TMEM135: variants seen among roughly 807,000 people sequenced by gnomAD.
TMEM135 encodes transmembrane protein 135, also known as peroxisomal membrane protein 52.
A neutral mutation model predicts 60.3 loss-of-function variants in TMEM135; 30 were observed. The ratio of observed to expected loss-of-function variants is 0.50; its 90% confidence interval spans 0.37 to 0.68. The LOEUF (loss-of-function observed/expected upper bound fraction) is 0.68, where lower values mean the gene tolerates loss of function less well. Ranked by LOEUF, TMEM135 falls within the 30% of genes least tolerant of loss-of-function variation. The pLI is 0.00. For synonymous variants in TMEM135, 190 were observed against 186.7 expected, an observed-to-expected ratio of 1.02 and a Z score of -0.14; for missense variants, 468 against 548.8, an observed-to-expected ratio of 0.85 and a Z score of 1.47.
Position 87,274,850 on chromosome 11 carries a change from G to GTA in TMEM135, c.510-20924_510-20923dup, listed in dbSNP as rs530069414. Among the ~76,000 whole-genome samples, 35 of 147,804 alleles carry GTA rather than the reference G, an allele frequency of 2.4e-4. No individual in the cohort carries two copies. The South Asian group carries it at 7.0e-3, about 30-fold the overall frequency. On this transcript the variant is annotated intron_variant, in intron 6 of 14. Transcript: ENST00000305494. ...TGTGTTTATATATTTATATATGTGT[G>GTA]TATATATATGCATATATATTTATAT...
At chr11:87,196,193 G>A (rs1012154067) in intron 5 of TMEM135, among the ~76,000 whole-genome samples, 2 of 152,080 alleles carry the variant, frequency 1.3e-5, no homozygotes, top group African/African-American at 4.8e-5. Context: ...GATTTTGGGG[G>A]AAATATTTTA....
intron 10 of TMEM135, among the ~76,000 whole-genome samples, chr11:87,312,455 C>T (rs761391118): frequency 9.9e-5 from 15 of 151,730 alleles, no homozygotes; most frequent in African/African-American, 3.4e-4. Context: ...ATATACTCCA[C>T]GATATGTTGT....
intron 4 of TMEM135, among the ~76,000 whole-genome samples, chr11:87,102,696 A>ATATTTATG (rs1555103998): frequency 2.5e-5 from 2 of 80,214 alleles, no homozygotes; most frequent in African/African-American, 1.4e-4. Flanking sequence ...GTGTGTGTAT[A>ATATTTATG]TATATATGTA....
At chr11:87,081,130 AT>A (rs1856984228) in intron 3 of TMEM135, among the ~76,000 whole-genome samples, 1 of 149,574 alleles carries the variant, frequency 6.7e-6, no homozygotes, top group Non-Finnish European at 1.5e-5. Flanking sequence ...GTGGGGTCTT[AT>A]TTTTTTATAT....
rs545274190 is a variant in TMEM135 at position 87,185,875 on chromosome 11, A to T, written c.462+28469A>T. On this transcript the variant is annotated intron_variant, in intron 5 of 14. Coordinates refer to ENST00000305494, the MANE Select transcript of TMEM135 (RefSeq NM_022918.4). ...CATTATTAGGAAATCATAGATTTAA[A>T]CATATTTTGTGTGTTTCAATCTGTT... Among the ~76,000 whole-genome samples, 7 of 150,216 alleles carry T rather than the reference A, an allele frequency of 4.7e-5. No homozygotes were observed. The East Asian group carries it at 1.2e-3, about 25-fold the overall frequency.
In TMEM135 at chr11:87,325,664, C is replaced by T. The variant is rs567613345; in HGVS notation, c.*4331C>T. The T allele has an allele frequency of 5.7e-5, 26 of 453,626 alleles. No individual in the cohort carries two copies. The highest frequency in any genetic ancestry group is 2.4e-4 in the Admixed American group (10 of 42,534). The allele number at this position is 453,626 out of a possible 1,614,324, so 28.1% of individuals were successfully genotyped here. A position where few individuals can be genotyped will look rare whatever the true frequency, so the allele number is the denominator to read the frequency against. On this transcript the variant is annotated 3_prime_UTR_variant, in exon 15 of 15. Transcript: ENST00000305494. ...GTGAGAGGCTCTGGAGTGATCATAA[C>T]GGTGATAACAATGGAGTAAACATTT...
At chr11:87,047,966 C>G (rs1369476518) in intron 1 of TMEM135, among the ~76,000 whole-genome samples, 5 of 93,548 alleles carry the variant, frequency 5.3e-5, no homozygotes, top group South Asian at 6.9e-4. Context: ...AGCTGGAGAT[C>G]TGAGAATGGG....
intron 4 of TMEM135, among the ~76,000 whole-genome samples, chr11:87,150,234 AAG>A (rs1491140230): frequency 2.7e-5 from 4 of 150,240 alleles, no homozygotes; most frequent in African/African-American, 9.8e-5. Flanking sequence ...AAAAAAAAAA[AAG>A]AAAAAAAGTG....
At chr11:87,307,459 T>A (rs1942570806) in intron 9 of TMEM135, among the ~76,000 whole-genome samples, 1 of 151,440 alleles carries the variant, frequency 6.6e-6, no homozygotes, top group African/African-American at 2.4e-5. Context: ...CAACTGAACA[T>A]GATTGTAGTT....
At chr11:87,292,709 C>T (rs1191325219) in intron 6 of TMEM135, among the ~76,000 whole-genome samples, 6 of 152,166 alleles carry the variant, frequency 3.9e-5, no homozygotes, top group Non-Finnish European at 8.8e-5. Flanking sequence ...ATCTGACCCT[C>T]AATTACATTA....
At chr11:87,258,978 G>T in intron 6 of TMEM135, 1 of 1,528,280 alleles carries the variant, frequency 6.5e-7, no homozygotes, top group Non-Finnish European at 9.1e-7. Context: ...CAGTCTCAAA[G>T]ACAACGGGAA....
rs575597386 is a variant in TMEM135 at position 87,278,469 on chromosome 11, G to A, written c.510-17313G>A. On this transcript the variant is annotated intron_variant, in intron 6 of 14. Transcript: ENST00000305494. ...CAACCTCCATCTCCCGGGTTCAAGT[G>A]ATTCTCCTGCCTCAACCTCCCTATT... Among the ~76,000 whole-genome samples, 26 of 151,042 alleles carry A rather than the reference G, an allele frequency of 1.7e-4. No homozygotes were observed. In the South Asian group the frequency reaches 5.5e-3, roughly 32 times the overall value.
intron 5 of TMEM135, among the ~76,000 whole-genome samples, chr11:87,199,363 A>G (rs969051397): frequency 2.0e-5 from 3 of 152,196 alleles, no homozygotes; most frequent in African/African-American, 7.2e-5. Context: ...TCAAAAACTA[A>G]TCAAGTGCAG....
At chr11:87,316,057 T>G (rs1225186771) in intron 12 of TMEM135, among the ~76,000 whole-genome samples, 1 of 151,970 alleles carries the variant, frequency 6.6e-6, no homozygotes, top group Non-Finnish European at 1.5e-5. Context: ...TAGTGGGAAA[T>G]GGTATTTAAA....
intron 1 of TMEM135, among the ~76,000 whole-genome samples, chr11:87,047,633 A>T (rs1246089217): frequency 2.5e-5 from 3 of 118,866 alleles, no homozygotes; most frequent in African/African-American, 3.7e-5. Context: ...GCACCACGAG[A>T]CTATATCCCA....
intron 3 of TMEM135, among the ~76,000 whole-genome samples, chr11:87,088,063 C>G (rs1757507452): frequency 6.6e-6 from 1 of 151,940 alleles, no homozygotes; most frequent in African/African-American, 2.4e-5. Context: ...AAAGCTGAGC[C>G]CAGCCATGGG....
intron 5 of TMEM135, among the ~76,000 whole-genome samples, chr11:87,194,393 T>C (rs1206723053): frequency 6.6e-6 from 1 of 152,164 alleles, no homozygotes; most frequent in Admixed American, 6.5e-5. Flanking sequence ...AATGAAAAAA[T>C]CTCAAATCGT....
chr11:87,149,434 G>A (rs1338425632), intron 4 of TMEM135, among the ~76,000 whole-genome samples: 3 of 152,152 alleles, frequency 2.0e-5, no homozygotes, highest in Admixed American at 6.5e-5. Flanking sequence ...GAGAAAAGGG[G>A]AAAATTTACA....
intron 5 of TMEM135, among the ~76,000 whole-genome samples, chr11:87,169,716 C>G (rs1036514452): frequency 2.6e-5 from 4 of 152,294 alleles, no homozygotes; most frequent in Middle Eastern, 3.4e-3. Context: ...TGACCTTTCT[C>G]TCTGGCTGCC....
Sources: gnomAD v4.1 joint callset for allele counts (sites outside exome capture counted in the v4.1 genomes callset) on GRCh38, gnomAD v4.1.1 for gene constraint, MANE v1.5 for transcripts, NCBI Gene and HGNC (gene_info 2026-07-23, HGNC 2026-07-21) for gene names.